The following RDH13 variants were observed in gnomAD, a reference collection of about 807,000 sequenced individuals.
RDH13 encodes the protein retinol dehydrogenase 13 (all-trans and 9-cis).
Under a neutral mutation model 28.3 loss-of-function variants are expected in RDH13, and 35 were observed. The ratio of observed to expected loss-of-function variants is 1.24; its 90% CI spans 0.95 to 1.64. RDH13 has a LOEUF of 1.64. RDH13 is among the 40% of genes most tolerant of loss of function. The probability of loss-of-function intolerance (pLI) is 0.00; values close to 1 mark genes in which losing one functional copy is unlikely to be tolerated. For missense variants in RDH13, 514 were observed against 446.3 expected, an observed-to-expected ratio of 1.15 and a Z score of -1.37; for synonymous variants, 229 against 198.5, an observed-to-expected ratio of 1.15 and a Z score of -1.29.
chr19:55,050,300 A>G (rs952996564), intron 3 of RDH13, among the ~76,000 whole-genome samples: 2 of 151,988 alleles, frequency 1.3e-5, no homozygotes, highest in African/African-American at 2.4e-5. Flanking sequence ...TATCTTTAGT[A>G]GAGACGGGGC....
chr19:55,043,853 G>T (rs1412633358), downstream of RDH13, among the ~76,000 whole-genome samples: 2 of 151,984 alleles, frequency 1.3e-5, no homozygotes. Context: ...CTTGTAAGAT[G>T]CCCGGACTTA....
intron 6 of RDH13, 28 bp downstream of exon 6, chr19:55,047,359 G>A: frequency 1.2e-6 from 2 of 1,605,404 alleles, no homozygotes; most frequent in Non-Finnish European, 8.5e-7. Context: ...GGCTCCACGT[G>A]GAGACCCCAG....
chr19:55,063,138 A>AGCGGAG lies in RDH13; in HGVS notation c.-112_-107dup. 5 of 1,089,148 alleles carry AGCGGAG rather than the reference A, an allele frequency of 4.6e-6. No homozygotes were observed. Among genetic ancestry groups the AGCGGAG allele is most frequent in the Non-Finnish European group, 5.9e-6 (5 of 840,708 alleles). The allele number at this position is 1,089,148 out of a possible 1,614,324, so 67.5% of individuals were successfully genotyped here. A position where few individuals can be genotyped will look rare whatever the true frequency, so the allele number is the denominator to read the frequency against. On this transcript the variant is annotated 5_prime_UTR_variant, in exon 1 of 7. Transcript: ENST00000415061. ...AGAGCGCGCGACGCAGCCACAGGCG[A>AGCGGAG]GCGGAGGCGCAGGCGCGGCTGGGCC... is the stretch of plus-strand genomic sequence containing the variant.
chr19:55,045,303 A>C lies in RDH13; in HGVS notation c.767T>G (p.Ile256Ser). Residue 256 changes from isoleucine (I) to serine (S), a missense_variant, in exon 7 of 7, where the codon ATC (isoleucine) becomes AGC (serine). Ile to Ser is a moderately radical substitution (Grantham distance 142, BLOSUM62 -2). Transcript: ENST00000415061. ...GGGGCTCTTGACCAGCAGCCAGAAG[A>C]TGGGCCCTGCAATCAGCCCACAGGG... ...STFSSTTLGP[I>S]FWLLVKSPEL... is the part of the protein sequence containing the mutation. The C allele has an allele frequency of 6.2e-7, 1 of 1,611,610 alleles. No individual in the cohort carries two copies. The highest frequency in any genetic ancestry group is 8.5e-7 in the Non-Finnish European group (1 of 1,179,448).
intron 3 of RDH13, among the ~76,000 whole-genome samples, chr19:55,051,485 G>A (rs1045447881): frequency 3.3e-5 from 5 of 151,740 alleles, no homozygotes; most frequent in African/African-American, 1.2e-4. Flanking sequence ...GTGCAGTGGT[G>A]TGATCTTGGC....
At chr19:55,056,913 T>C (rs2075656493) in intron 2 of RDH13, 105 bp from the exon 3 acceptor site, 11 of 991,188 alleles carry the variant, frequency 1.1e-5, no homozygotes, top group Non-Finnish European at 1.6e-5. Context: ...TCCACCAATG[T>C]TCACTGCGGC....
chr19:55,040,539 C>A (rs961363080), downstream of RDH13: 1 of 152,316 alleles, frequency 6.6e-6, no homozygotes. Context: ...CATCATCTTC[C>A]CTACATCTCT....
rs372226651 is a variant in RDH13, at chr19:55,045,244, C to T, written c.826G>A (p.Val276Met). 5.8e-5 allele frequency: 93 copies of T among 1,613,280 alleles called. No individual in the cohort carries two copies. The highest frequency in any genetic ancestry group is 6.9e-5 in the Non-Finnish European group (81 of 1,180,050). ...GAAACATCCGCCAGTTCCTCCGCCA[C>T]GGCCAGGTATGTGCTGGGCTGGGCG... ...LAAQPSTYLA[V>M]AEELADVSGK... is the part of the protein sequence containing the mutation. The change falls in exon 7 of 7, where the codon GTG (valine) becomes ATG (methionine). Residue 276 changes from valine (V) to methionine (M), a missense_variant. Transcript: ENST00000415061.
At chr19:55,053,071 TTGTGTTCTTTCTAGTCGGGAGC>T (rs1242435892) in intron 3 of RDH13, among the ~76,000 whole-genome samples, 3 of 152,194 alleles carry the variant, frequency 2.0e-5, no homozygotes, top group Non-Finnish European at 4.4e-5. Context: ...GCTCTTTGCT[TTGTGTTCTTTCTAGTCGGGAGC>T]TGGGAAGAGC....
chr19:55,064,769 C>T (rs1233425574), upstream of RDH13, among the ~76,000 whole-genome samples: 10 of 89,970 alleles, frequency 1.1e-4, no homozygotes, highest in East Asian at 1.5e-3. Context: ...CGTGTCACCA[C>T]ACCCGGCTAA....
At position 55,063,049 on chromosome 19, in the gene RDH13, G is replaced by C; in HGVS notation, c.-17C>G. 1 of 1,291,620 alleles carries C rather than the reference G, an allele frequency of 7.7e-7. No homozygotes were observed. The highest frequency in any genetic ancestry group is 5.1e-5 in the Admixed American group (1 of 19,550). The allele number at this position is 1,291,620 out of a possible 1,614,324, so 80.0% of individuals were successfully genotyped here. The stretch of plus-strand genomic sequence containing the variant: ...GCGGCTCATGCCGGGCCGGGGACAG[G>C]CGTCAGGCGTCAGGGGTCGGCGCGG... On this transcript the variant is annotated 5_prime_UTR_variant, in exon 1 of 7. Coordinates refer to ENST00000415061, the MANE Select transcript of RDH13 (RefSeq NM_001145971.2).
chr19:55,041,474 G>A (rs150301408), downstream of RDH13: 4 of 152,422 alleles, frequency 2.6e-5, no homozygotes, highest in East Asian at 5.8e-4. Flanking sequence ...AAGGATGCAC[G>A]AATGATGGCG....
intron 3 of RDH13, among the ~76,000 whole-genome samples, chr19:55,050,351 G>A (rs1476221949): frequency 2.0e-5 from 3 of 152,032 alleles, no homozygotes; most frequent in Non-Finnish European, 4.4e-5. Flanking sequence ...TCCTGACCTC[G>A]TGATCCACCT....
intron 2 of RDH13, among the ~76,000 whole-genome samples, chr19:55,058,422 G>A (rs1255300301): frequency 6.6e-6 from 1 of 151,254 alleles, no homozygotes; most frequent in African/African-American, 2.4e-5. Context: ...AATTCCTAAT[G>A]TTGTGCAACC....
chr19:55,043,039 C>T (rs1374749675), downstream of RDH13: 1 of 152,290 alleles, frequency 6.6e-6, no homozygotes, highest in Non-Finnish European at 1.5e-5. Context: ...ACCGTGGGGT[C>T]CACTGGAAGT....
intron 1 of RDH13, among the ~76,000 whole-genome samples, chr19:55,061,820 A>C (rs372087750): frequency 6.7e-6 from 1 of 149,780 alleles, no homozygotes; most frequent in East Asian, 2.0e-4. Flanking sequence ...CATGATAATC[A>C]TAAGATCCTT....
At chr19:55,053,550 G>A (rs561601572) in intron 3 of RDH13, among the ~76,000 whole-genome samples, 12 of 152,076 alleles carry the variant, frequency 7.9e-5, no homozygotes, top group African/African-American at 1.9e-4. Context: ...CCCGCCACTC[G>A]GGAGGCTGAG....
chr19:55,056,677 C>G lies in RDH13; in HGVS notation c.316G>C (p.Glu106Gln). 6.2e-7 allele frequency: 1 copy of G among 1,614,064 alleles called. No homozygotes were observed. The highest frequency in any genetic ancestry group is 1.1e-5 in the South Asian group (1 of 91,066). ...LDLASLKSIR[E>Q]FAAKIIEEEE... ...CCTTCAATGATCTTTGCTGCAAACT[C>G]TCGGATAGACTTGAGGGAAGCCAAG... Residue 106 changes from glutamate (E) to glutamine (Q), a missense_variant, in exon 3 of 7, where the codon GAG becomes CAG. Physicochemically the swap from Glu to Gln is conservative, Grantham distance 29. Coordinates refer to ENST00000415061, the MANE Select transcript of RDH13 (RefSeq NM_001145971.2).
intron 3 of RDH13, among the ~76,000 whole-genome samples, chr19:55,049,616 C>T (rs912960045): frequency 7.9e-5 from 12 of 151,960 alleles, no homozygotes; most frequent in East Asian, 1.9e-4. Flanking sequence ...ATGGAGAAAC[C>T]GCGTCTTTAC....
Sources: gnomAD v4.1 joint callset for allele counts (sites outside exome capture counted in the v4.1 genomes callset) on GRCh38, gnomAD v4.1.1 for gene constraint, MANE v1.5 for transcripts, NCBI Gene and HGNC (gene_info 2026-07-23, HGNC 2026-07-21) for gene names.